The following KRTCAP3 variants were observed in gnomAD, a reference collection of about 807,000 sequenced individuals.
KRTCAP3 encodes the protein keratinocyte associated protein 3, also known as keratinocyte-associated protein 3.
KRTCAP3 carries 18 observed loss-of-function variants against 20.5 expected under a neutral mutation model. That is an observed-to-expected ratio of 0.88 (90% CI 0.61 to 1.31). The LOEUF (loss-of-function observed/expected upper bound fraction) is 1.31, where lower values mean the gene tolerates loss of function less well. KRTCAP3 is among the 50% of genes most tolerant of loss of function. The pLI is 0.00. For synonymous variants in KRTCAP3, 167 were observed against 133.7 expected (o/e 1.25, Z -1.72); for missense variants, 347 against 310.4 (o/e 1.12, Z -0.89).
At position 27,443,072 on chromosome 2, in the gene KRTCAP3, AGCACTGGGTCCTGCTG is replaced by A; in HGVS notation, c.278_293del (p.Trp93Ter). The A allele has an allele frequency of 6.2e-7, 1 of 1,613,378 alleles. No homozygotes were observed. The highest frequency in any genetic ancestry group is 8.5e-7 in the Non-Finnish European group (1 of 1,179,732). On this transcript the variant is annotated splice_acceptor_variant and coding_sequence_variant, in exon 4 of 7. Transcript: ENST00000288873. LOFTEE classifies it high-confidence loss of function. Reference sequence around the variant, plus strand: ...CTCACCCTGATCTCCTGTCCCTGCCAGCACTGGGTCCTGCTGGCACTAGCTCTGGTGAACCTGCTCT... The same window carrying A: ...CTCACCCTGATCTCCTGTCCCTGCCAGCACTAGCTCTGGTGAACCTGCTCT...
At chr2:27,445,177 G>C (rs543062555), downstream of KRTCAP3, 5 of 1,599,298 alleles carry the variant, frequency 3.1e-6, no homozygotes, top group Admixed American at 1.7e-5. The surrounding 1 kb of genome is among the most constrained non-coding windows in gnomAD (Gnocchi z 4.4). Context: ...GAGCAGCCTG[G>C]GGGGTAGAAA....
In KRTCAP3 at chr2:27,442,669, A is replaced by T; in HGVS notation, c.119A>T (p.His40Leu). 1.3e-6 allele frequency: 2 copies of T among 1,586,918 alleles called. No homozygotes were observed. The highest frequency in any genetic ancestry group is 1.7e-6 in the Non-Finnish European group (2 of 1,166,108). Residue 40 changes from histidine (H) to leucine (L), a missense_variant, in exon 2 of 7, where the codon CAT becomes CTT. By Grantham distance (99) the His-to-Leu change is moderately conservative (BLOSUM62 -3). Transcript: ENST00000288873. ...AACCTGCTGCTGGGGGCCGTGCTGC[A>T]TGGCACCGTCCTGCGGCACGTGGCC... ...HVNLLLGAVL[H>L]GTVLRHVANP... is the part of the protein sequence containing the mutation.
downstream of KRTCAP3, chr2:27,446,062 A>G: frequency 1.3e-6 from 2 of 1,565,694 alleles, no homozygotes; most frequent in Non-Finnish European, 1.8e-6. Flanking sequence ...ATCCAGATGC[A>G]AATGGGAGTG....
chr2:27,443,355 C>T, intron 4 of KRTCAP3, 43 bp from the exon 5 acceptor site: 1 of 1,613,866 alleles, frequency 6.2e-7, no homozygotes, highest in Non-Finnish European at 8.5e-7. Flanking sequence ...ATTTGCTGCA[C>T]TTGCCCTACT....
chr2:27,443,197 C>T lies in KRTCAP3; in HGVS notation c.397C>T (p.His133Tyr). The T allele has an allele frequency of 6.2e-7, 1 of 1,614,144 alleles. No individual in the cohort carries two copies. Residue 133 changes from histidine (H) to tyrosine (Y), a missense_variant, in exon 4 of 7, where the codon CAC (histidine) becomes TAC (tyrosine). Physicochemically the swap from His to Tyr is moderately conservative, Grantham distance 83. Transcript: ENST00000288873. ...TGGCCGCCGCCTTATTGCTGACTGC[C>T]ACCCAGGACTGCTGGATCCTCTGGT... is the stretch of plus-strand genomic sequence containing the variant. ...NGGRRLIADCHPGLLDPLVPL... is the reference protein window; with the variant it reads ...NGGRRLIADCYPGLLDPLVPL...
chr2:27,443,412 T>C lies in KRTCAP3; in HGVS notation c.495T>C (p.Ala165=), dbSNP rs1664742933. Residue 165 remains alanine (A), a synonymous_variant, in exon 5 of 7, where the codon GCT becomes GCC. Coordinates refer to ENST00000288873, the MANE Select transcript of KRTCAP3 (RefSeq NM_173853.4). The stretch of plus-strand genomic sequence containing the variant: ...TTGCTTTTCAGGATACAGCCTTGGC[T>C]CTCTGGATCCCTTCTTTGCTCATGT... ...DPTRIYDTAL[A]LWIPSLLMSA... The C allele has an allele frequency of 1.2e-6, 2 of 1,614,174 alleles. No individual in the cohort carries two copies. The highest frequency in any genetic ancestry group is 4.5e-5 in the East Asian group (2 of 44,886).
downstream of KRTCAP3, chr2:27,444,579 G>A: frequency 7.3e-7 from 1 of 1,365,052 alleles, no homozygotes; most frequent in Non-Finnish European, 1.0e-6. Flanking sequence ...TACAAAATCA[G>A]CTCCATCGCA....
downstream of KRTCAP3, chr2:27,446,323 G>A (rs953134859): frequency 6.1e-5 from 98 of 1,614,140 alleles, no homozygotes; most frequent in Non-Finnish European, 8.1e-5. Context: ...TGTGACGCAA[G>A]AGTGAAACAG....
downstream of KRTCAP3, chr2:27,444,363 T>C (rs1278009023): frequency 4.2e-6 from 4 of 958,508 alleles, no homozygotes; most frequent in Non-Finnish European, 6.6e-6. Context: ...GATCAAAGAA[T>C]ACAGTGGTCT....
intron 4 of KRTCAP3, 53 bp downstream of exon 4, chr2:27,443,333 T>C (rs1664736845): frequency 6.2e-7 from 1 of 1,613,582 alleles, no homozygotes; most frequent in Non-Finnish European, 8.5e-7. Context: ...TCCTGCCCTT[T>C]TAATTTCCCC....
In KRTCAP3 at chr2:27,442,758, C is replaced by A; in HGVS notation, c.208C>A (p.Leu70Met). The change falls in exon 2 of 7, where the codon CTG becomes ATG. Residue 70 changes from leucine to methionine, a missense_variant. By Grantham distance (15) the Leu-to-Met change is conservative. Coordinates refer to ENST00000288873, the MANE Select transcript of KRTCAP3 (RefSeq NM_173853.4). ...VANVISVGSG[L>M]LSVSVGLVAL... The stretch of plus-strand genomic sequence containing the variant: ...CAATGTCATCTCTGTCGGCTCGGGG[C>A]TGCTGGTGAGCGCGGCAGGCGACCC... The A allele has an allele frequency of 6.2e-7, 1 of 1,609,556 alleles. No individual in the cohort carries two copies. Among genetic ancestry groups the A allele is most frequent in the Admixed American group, 1.7e-5 (1 of 59,674 alleles).
At chr2:27,445,172 G>C, downstream of KRTCAP3, 1 of 1,601,270 alleles carries the variant, frequency 6.2e-7, no homozygotes, top group Non-Finnish European at 8.5e-7. This position sits in a 1 kb window ranked among gnomAD's most constrained non-coding sequence, Gnocchi z 4.4. Flanking sequence ...ATGAGGAGCA[G>C]CCTGGGGGGT....
At chr2:27,443,861 G>C (rs1204227137) in intron 5 of KRTCAP3, 88 bp from the exon 6 acceptor site, 2 of 809,016 alleles carry the variant, frequency 2.5e-6, no homozygotes, top group Admixed American at 1.9e-5. Context: ...GGGCAACAGA[G>C]TGAGGCTCCG....
downstream of KRTCAP3, chr2:27,445,434 CTT>C: frequency 3.1e-6 from 5 of 1,611,378 alleles, no homozygotes; most frequent in Non-Finnish European, 4.2e-6. This position sits in a 1 kb window ranked among gnomAD's most constrained non-coding sequence, Gnocchi z 4.4. Context: ...TCTCGAACCT[CTT>C]CTCTCTCAGC....
downstream of KRTCAP3, chr2:27,445,980 G>GC: frequency 6.2e-7 from 1 of 1,614,226 alleles, no homozygotes; most frequent in Non-Finnish European, 8.5e-7. The surrounding 1 kb of genome is among the most constrained non-coding windows in gnomAD (Gnocchi z 4.4). Context: ...TGTTATCCCA[G>GC]CCAACTGCCT....
At chr2:27,443,597 G>C (rs1041829914) in intron 5 of KRTCAP3, 65 bp downstream of exon 5, 1 of 1,571,842 alleles carries the variant, frequency 6.4e-7, no homozygotes, top group East Asian at 2.2e-5. Context: ...GATGCTGACC[G>C]GCCGGGTGCG....
chr2:27,443,406 C>G lies in KRTCAP3; in HGVS notation c.489C>G (p.Ala163=). The G allele has an allele frequency of 6.2e-7, 1 of 1,614,190 alleles. No homozygotes were observed. The highest frequency in any genetic ancestry group is 8.5e-7 in the Non-Finnish European group (1 of 1,180,036). Residue 163 remains alanine (A), a synonymous_variant, in exon 5 of 7, where the codon GCC becomes GCG. Transcript: ENST00000288873. ...TCCTTCTTGCTTTTCAGGATACAGC[C>G]TTGGCTCTCTGGATCCCTTCTTTGC... ...PFDPTRIYDT[A]LALWIPSLLM...
chr2:27,445,487 G>T (rs1664987638), downstream of KRTCAP3: 1 of 1,591,200 alleles, frequency 6.3e-7, no homozygotes, highest in East Asian at 2.2e-5. The surrounding 1 kb of genome is among the most constrained non-coding windows in gnomAD (Gnocchi z 4.4). Flanking sequence ...CTTCACACAG[G>T]GCAGGGCAGG....
downstream of KRTCAP3, chr2:27,445,525 G>T (rs1664994447): frequency 1.3e-6 from 2 of 1,501,810 alleles, no homozygotes; most frequent in Non-Finnish European, 1.8e-6. This position sits in a 1 kb window ranked among gnomAD's most constrained non-coding sequence, Gnocchi z 4.4. Context: ...GGTGAGGAGG[G>T]GGTTTGCTAA....
Sources: allele counts gnomAD v4.1 joint callset, GRCh38; gene constraint gnomAD v4.1.1; non-coding constraint Gnocchi (gnomAD v3.1); transcripts MANE v1.5; gene names NCBI Gene and HGNC (gene_info 2026-07-23, HGNC 2026-07-21).